EPHA7: variants seen among roughly 807,000 people sequenced by gnomAD.
EPHA7 encodes EPH receptor A7.
In EPHA7, 25 loss-of-function variants were observed where a neutral mutation model predicts 112.6. The ratio of observed to expected loss-of-function variants is 0.22; its 90% CI spans 0.16 to 0.31. EPHA7 has a LOEUF of 0.31. Ranked by LOEUF, EPHA7 falls within the 10% of genes least tolerant of loss-of-function variation. The pLI, the probability that EPHA7 is intolerant of heterozygous loss-of-function variation, is 1.00. For missense variants in EPHA7, 962 were observed against 1,212.6 expected (o/e 0.79, Z 3.07); for synonymous variants, 437 against 406.5 (o/e 1.07, Z -0.90).
At chr6:93,296,684 G>A (rs1245640251) in intron 5 of EPHA7, among the ~76,000 whole-genome samples, 1 of 151,690 alleles carries the variant, frequency 6.6e-6, no homozygotes, top group African/African-American at 2.4e-5. Context: ...ATGGTTACCA[G>A]GGATAAGAAG....
intron 5 of EPHA7, among the ~76,000 whole-genome samples, chr6:93,274,774 A>G (rs1386322549): frequency 1.3e-5 from 2 of 151,894 alleles, no homozygotes; most frequent in Non-Finnish European, 2.9e-5. Flanking sequence ...CTTCAAATAC[A>G]ACATTTGGTA....
At chr6:93,255,220 C>T (rs1472691088) in intron 13 of EPHA7, among the ~76,000 whole-genome samples, 7 of 151,776 alleles carry the variant, frequency 4.6e-5, no homozygotes, top group African/African-American at 1.5e-4. Context: ...TGGTGGTGGG[C>T]GCCTGTTATC....
intron 5 of EPHA7, among the ~76,000 whole-genome samples, chr6:93,280,771 A>C (rs1771694596): frequency 6.6e-6 from 1 of 152,158 alleles, no homozygotes; most frequent in Admixed American, 6.5e-5. Context: ...TATATAAATA[A>C]ATGTTAAATA....
intron 5 of EPHA7, among the ~76,000 whole-genome samples, chr6:93,273,522 A>G (rs1273204390): frequency 6.6e-6 from 1 of 151,938 alleles, no homozygotes; most frequent in African/African-American, 2.4e-5. Context: ...ATCAATGTCT[A>G]AAAACCACAT....
At chr6:93,371,822 G>T (rs983606789) in intron 3 of EPHA7, among the ~76,000 whole-genome samples, 3 of 152,028 alleles carry the variant, frequency 2.0e-5, no homozygotes, top group African/African-American at 7.2e-5. Context: ...CCTGACTAAA[G>T]ATTTGAAAAT....
chr6:93,289,972 A>AT (rs2127834762), intron 5 of EPHA7, among the ~76,000 whole-genome samples: 1 of 152,258 alleles, frequency 6.6e-6, no homozygotes, highest in South Asian at 2.1e-4. Context: ...TTAAAGAACA[A>AT]TTTTTGTCTA....
intron 5 of EPHA7, among the ~76,000 whole-genome samples, chr6:93,305,897 C>G (rs536341263): frequency 1.2e-4 from 18 of 151,892 alleles, no homozygotes; most frequent in Non-Finnish European, 2.4e-4. Context: ...CACTATTATT[C>G]TCATTAAGAG....
At chr6:93,279,235 C>T (rs1771614493) in intron 5 of EPHA7, among the ~76,000 whole-genome samples, 1 of 152,072 alleles carries the variant, frequency 6.6e-6, no homozygotes, top group South Asian at 2.1e-4. Context: ...CAAATATGTG[C>T]ATGTTTTACA....
chr6:93,369,604 C>T (rs989685911), intron 3 of EPHA7, among the ~76,000 whole-genome samples: 1 of 152,182 alleles, frequency 6.6e-6, no homozygotes, highest in Admixed American at 6.5e-5. Flanking sequence ...CTTAGGAGAA[C>T]AGTTTCACTC....
intron 5 of EPHA7, among the ~76,000 whole-genome samples, chr6:93,343,224 TA>T (rs1233662438): frequency 6.6e-6 from 1 of 151,624 alleles, no homozygotes; most frequent in African/African-American, 2.4e-5. Flanking sequence ...TACTTCAAAT[TA>T]AAACATAATC....
chr6:93,268,815 G>A (rs917778201), intron 7 of EPHA7, among the ~76,000 whole-genome samples: 14 of 151,562 alleles, frequency 9.2e-5, no homozygotes, highest in African/African-American at 2.9e-4. Context: ...AATGATAAAG[G>A]GGCTTCAAAG....
chr6:93,340,228 G>C (rs1361672835), intron 5 of EPHA7, among the ~76,000 whole-genome samples: 2 of 151,694 alleles, frequency 1.3e-5, no homozygotes, highest in Admixed American at 6.6e-5. Context: ...ATGTGTATGT[G>C]CATACATAAA....
At chr6:93,406,929 A>C (rs1275148118) in intron 3 of EPHA7, among the ~76,000 whole-genome samples, 1 of 151,926 alleles carries the variant, frequency 6.6e-6, no homozygotes, top group Non-Finnish European at 1.5e-5. Flanking sequence ...AGTTTGCATC[A>C]AAGTTGTTAC....
intron 3 of EPHA7, among the ~76,000 whole-genome samples, chr6:93,396,456 C>G (rs1260507250): frequency 6.6e-6 from 1 of 151,726 alleles, no homozygotes; most frequent in Non-Finnish European, 1.5e-5. Context: ...TATTTAATAC[C>G]TAACAAAGAT....
intron 1 of EPHA7, among the ~76,000 whole-genome samples, chr6:93,416,884 G>A (rs928671050): frequency 5.3e-5 from 8 of 152,024 alleles, no homozygotes; most frequent in African/African-American, 1.9e-4. Context: ...CGGGGCCGTC[G>A]GAGGGGCGGG....
intron 13 of EPHA7, 136 bp from the exon 14 acceptor site, chr6:93,254,932 C>A (rs541713613): frequency 3.4e-6 from 2 of 583,934 alleles, no homozygotes; most frequent in Non-Finnish European, 5.7e-6. Context: ...AATCTCTATG[C>A]GTATTTAAAG....
chr6:93,392,928 AT>A (rs1040786452), intron 3 of EPHA7, among the ~76,000 whole-genome samples: 5 of 151,878 alleles, frequency 3.3e-5, no homozygotes, highest in African/African-American at 1.2e-4. Flanking sequence ...AGAAACAGAA[AT>A]TCTTTATTAG....
chr6:93,292,917 T>C (rs1221893508), intron 5 of EPHA7, among the ~76,000 whole-genome samples: 2 of 152,130 alleles, frequency 1.3e-5, no homozygotes, highest in Non-Finnish European at 2.9e-5. Flanking sequence ...TTGGAGAAGG[T>C]ATAAACTCTT....
Position 93,272,291 on chromosome 6 carries a change from C to A in EPHA7, c.1449+7G>T. 1 of 1,611,290 alleles carries A rather than the reference C, an allele frequency of 6.2e-7. No individual in the cohort carries two copies. Among genetic ancestry groups the A allele is most frequent in the Non-Finnish European group, 8.5e-7 (1 of 1,178,070 alleles). ...CATTGTACATTTCAGTTGCTCTTAG[C>A]ACTTACTTTCTCGTAATACTTGATT... On this transcript the variant is annotated splice_region_variant and intron_variant, in intron 6 of 16. Transcript: ENST00000369303.
Sources: allele counts gnomAD v4.1 joint callset (sites outside exome capture counted in the v4.1 genomes callset), GRCh38; gene constraint gnomAD v4.1.1; transcripts MANE v1.5; gene names NCBI Gene and HGNC (gene_info 2026-07-23, HGNC 2026-07-21).